PLCB4: variants seen among roughly 807,000 people sequenced by gnomAD.
PLCB4 encodes the protein 1-phosphatidylinositol 4,5-bisphosphate phosphodiesterase beta-4.
In PLCB4, 77 loss-of-function variants were observed where a neutral mutation model predicts 178.8. The ratio of observed to expected loss-of-function variants is 0.43; its 90% CI spans 0.36 to 0.52. The LOEUF is 0.52. Among genes scored for constraint, PLCB4 ranks in the 20% least tolerant of loss-of-function variants. The probability of loss-of-function intolerance (pLI) is 0.00; values close to 1 mark genes in which losing one functional copy is unlikely to be tolerated. For missense variants in PLCB4, 1,024 were observed against 1,453.4 expected, an observed-to-expected ratio of 0.70 and a Z score of 4.80; for synonymous variants, 496 against 490.8, an observed-to-expected ratio of 1.01 and a Z score of -0.14.
intron 2 of PLCB4, among the ~76,000 whole-genome samples, chr20:9,107,796 A>G (rs2091423913): frequency 6.6e-6 from 1 of 152,156 alleles, no homozygotes; most frequent in South Asian, 2.1e-4. Context: ...CTGAGTTCAG[A>G]GTACACTGTG....
At chr20:9,109,234 G>A (rs1219964266) in intron 2 of PLCB4, among the ~76,000 whole-genome samples, 2 of 152,162 alleles carry the variant, frequency 1.3e-5, no homozygotes, top group Non-Finnish European at 2.9e-5. Context: ...TTGTGCTGGA[G>A]TTTCAGTTTC....
At chr20:9,187,545 A>G (rs1219534599) in intron 2 of PLCB4, among the ~76,000 whole-genome samples, 1 of 152,190 alleles carries the variant, frequency 6.6e-6, no homozygotes, top group Non-Finnish European at 1.5e-5. Context: ...ATCTGACCCT[A>G]TGTGTAAAAC....
At chr20:9,242,251 C>T (rs1213760073) in intron 3 of PLCB4, among the ~76,000 whole-genome samples, 2 of 152,162 alleles carry the variant, frequency 1.3e-5, no homozygotes, top group African/African-American at 4.8e-5. Flanking sequence ...GTTATTGAGT[C>T]AGATTCATGG....
intron 14 of PLCB4, among the ~76,000 whole-genome samples, chr20:9,385,240 C>G (rs139527140): frequency 2.6e-3 from 401 of 152,318 alleles, no homozygotes; most frequent in African/African-American, 9.2e-3. Flanking sequence ...TCTGATCTCT[C>G]TTTCTTTTCC....
intron 3 of PLCB4, among the ~76,000 whole-genome samples, chr20:9,277,948 G>A (rs538244621): frequency 1.1e-4 from 17 of 152,056 alleles, no homozygotes; most frequent in African/African-American, 2.6e-4. Context: ...ACAGTACCTC[G>A]GTTTTAGTAT....
At chr20:9,185,262 G>A (rs778555883) in intron 2 of PLCB4, among the ~76,000 whole-genome samples, 2 of 152,116 alleles carry the variant, frequency 1.3e-5, no homozygotes, top group Non-Finnish European at 2.9e-5. Flanking sequence ...TAAATAGCAG[G>A]TGCTAAATAG....
chr20:9,343,060 C>A (rs2148106717), intron 7 of PLCB4, among the ~76,000 whole-genome samples: 1 of 152,232 alleles, frequency 6.6e-6, no homozygotes, highest in South Asian at 2.1e-4. Context: ...CTGGGAGAGT[C>A]CAGCACTCCC....
chr20:9,323,796 G>C (rs1238961458), intron 4 of PLCB4, among the ~76,000 whole-genome samples: 6 of 152,260 alleles, frequency 3.9e-5, no homozygotes, highest in African/African-American at 1.4e-4. Context: ...CTACAACCGG[G>C]CCTTTCCTGC....
chr20:9,272,480 A>G (rs1034753643), intron 3 of PLCB4, among the ~76,000 whole-genome samples: 2 of 152,054 alleles, frequency 1.3e-5, no homozygotes, highest in African/African-American at 4.8e-5. Flanking sequence ...CAGGTCTCCA[A>G]CCTAGACTAT....
At chr20:9,245,984 C>T (rs935866943) in intron 3 of PLCB4, among the ~76,000 whole-genome samples, 8 of 151,696 alleles carry the variant, frequency 5.3e-5, no homozygotes, top group African/African-American at 1.9e-4. Flanking sequence ...TAAAGCAGCC[C>T]GAGAAAACTG....
chr20:9,395,686 G>C, intron 19 of PLCB4, 68 bp downstream of exon 19: 4 of 1,131,508 alleles, frequency 3.5e-6, no homozygotes, highest in Non-Finnish European at 5.2e-6. Context: ...AAACCAGGCT[G>C]GGCACAGTGG....
intron 4 of PLCB4, among the ~76,000 whole-genome samples, chr20:9,310,678 C>T (rs1418213113): frequency 6.6e-6 from 1 of 151,960 alleles, no homozygotes; most frequent in East Asian, 1.9e-4. Flanking sequence ...CGCCCCCACA[C>T]ACCAACCTGG....
At chr20:9,313,810 A>G (rs1175577549) in intron 4 of PLCB4, among the ~76,000 whole-genome samples, 3 of 152,156 alleles carry the variant, frequency 2.0e-5, no homozygotes, top group Non-Finnish European at 4.4e-5. Flanking sequence ...CTCAGTTTTA[A>G]ACTCTAGGCT....
At chr20:9,387,087 G>T (rs28636721) in intron 14 of PLCB4, among the ~76,000 whole-genome samples, 2 of 151,522 alleles carry the variant, frequency 1.3e-5, no homozygotes, top group African/African-American at 2.4e-5. Context: ...AGTAGAGATG[G>T]GGTTTCACCA....
At chr20:9,127,388 T>G (rs1236231297) in intron 2 of PLCB4, among the ~76,000 whole-genome samples, 2 of 152,154 alleles carry the variant, frequency 1.3e-5, no homozygotes, top group Non-Finnish European at 1.5e-5. Flanking sequence ...GATTAAAAAT[T>G]TCTTATTTTT....
chr20:9,191,323 G>C (rs1468529533), intron 2 of PLCB4, among the ~76,000 whole-genome samples: 1 of 150,960 alleles, frequency 6.6e-6, no homozygotes, highest in Non-Finnish European at 1.5e-5. Context: ...CTTATAAAAG[G>C]GCTGGAGGGA....
At chr20:9,221,509 A>G (rs961878836) in intron 3 of PLCB4, among the ~76,000 whole-genome samples, 4 of 152,142 alleles carry the variant, frequency 2.6e-5, no homozygotes, top group African/African-American at 9.7e-5. Context: ...TGCTTTACCA[A>G]TCCACATTCC....
chr20:9,094,118 A>G (rs1285733717), intron 1 of PLCB4, among the ~76,000 whole-genome samples: 1 of 152,138 alleles, frequency 6.6e-6, no homozygotes, highest in Non-Finnish European at 1.5e-5. Flanking sequence ...GATACTAATG[A>G]TATGTTATTC....
intron 2 of PLCB4, among the ~76,000 whole-genome samples, chr20:9,157,062 C>T (rs763491704): frequency 6.6e-6 from 1 of 151,576 alleles, no homozygotes; most frequent in South Asian, 2.1e-4. Context: ...TATTTTAGTC[C>T]AAAATGCCTG....
Sources: allele counts gnomAD v4.1 joint callset (sites outside exome capture counted in the v4.1 genomes callset), GRCh38; gene constraint gnomAD v4.1.1; transcripts MANE v1.5; gene names NCBI Gene and HGNC (gene_info 2026-07-23, HGNC 2026-07-21).